The following ALCAM variants were observed in gnomAD, a reference collection of about 807,000 sequenced individuals.
The protein encoded by ALCAM is CD166 antigen.
ALCAM carries 30 observed loss-of-function variants against 70.9 expected under a neutral mutation model. The ratio of observed to expected loss-of-function variants is 0.42; its 90% CI spans 0.32 to 0.57. The LOEUF is 0.57. Among genes scored for constraint, ALCAM ranks in the 20% least tolerant of loss-of-function variants. The pLI is 0.11. For missense variants in ALCAM, 591 were observed against 695.1 expected (o/e 0.85, Z 1.68); for synonymous variants, 249 against 242.5 (o/e 1.03, Z -0.25).
At chr3:105,520,021 T>TTC in intron 1 of ALCAM, 46 bp from the exon 2 acceptor site, 1 of 1,290,750 alleles carries the variant, frequency 7.7e-7, no homozygotes, top group East Asian at 2.4e-5. Context: ...TAAAATTTTG[T>TTC]TCTCTCTCTC....
At chr3:105,534,920 C>A in intron 6 of ALCAM, 75 bp downstream of exon 6, 2 of 1,366,872 alleles carry the variant, frequency 1.5e-6, no homozygotes, top group South Asian at 1.5e-5. Context: ...TCTTTGAGGT[C>A]CCAATCCAAT....
chr3:105,535,746 G>T lies in ALCAM; in HGVS notation c.730+901G>T, dbSNP rs146474880. On this transcript the variant is annotated intron_variant, in intron 6 of 15. Coordinates refer to ENST00000306107, the MANE Select transcript of ALCAM (RefSeq NM_001627.4). ...ATATTTGGGGGGAAAATGCAATAAA[G>T]GATTTTCTTCTTATTATTAATTTAT... is the stretch of plus-strand genomic sequence containing the variant. 3.5e-3 allele frequency among the ~76,000 whole-genome samples: 530 copies of T among 152,020 alleles called. 4 individuals carry two copies. The highest frequency in any genetic ancestry group is 0.012 in the African/African-American group (497 of 41,500).
intron 1 of ALCAM, among the ~76,000 whole-genome samples, chr3:105,407,278 A>G (rs1259957484): frequency 6.6e-6 from 1 of 151,360 alleles, no homozygotes; most frequent in African/African-American, 2.4e-5. Context: ...AAAAAAAAAC[A>G]ACAGATCAGT....
rs1433807640 is a variant in ALCAM, at chr3:105,574,528, A to T, written c.*77A>T. 3 of 152,612 alleles carry T rather than the reference A, an allele frequency of 2.0e-5. No individual in the cohort carries two copies. Among genetic ancestry groups the T allele is most frequent in the Admixed American group, 2.0e-4 (3 of 15,276 alleles). The allele number at this position is 152,612 out of a possible 1,614,324, so 9.5% of individuals were successfully genotyped here. A position where few individuals can be genotyped will look rare whatever the true frequency, so the allele number is the denominator to read the frequency against. On this transcript the variant is annotated 3_prime_UTR_variant, in exon 16 of 16. Transcript: ENST00000306107. ...AGCATGAACGTGGATTGTATTTAAGACATAAACAAAGACATTGACAGCAAT... is the reference window on the plus strand; with the variant it reads ...AGCATGAACGTGGATTGTATTTAAGTCATAAACAAAGACATTGACAGCAAT...
chr3:105,555,581 G>T (rs1940496539), intron 14 of ALCAM, among the ~76,000 whole-genome samples: 1 of 151,946 alleles, frequency 6.6e-6, no homozygotes, highest in African/African-American at 2.4e-5. Flanking sequence ...GCAACATTTA[G>T]CTAAGTTCTT....
At chr3:105,498,463 C>T (rs1408101359) in intron 1 of ALCAM, among the ~76,000 whole-genome samples, 1 of 151,846 alleles carries the variant, frequency 6.6e-6, no homozygotes, top group African/African-American at 2.4e-5. Flanking sequence ...GTTTGGTATC[C>T]TTGACACCAC....
intron 1 of ALCAM, among the ~76,000 whole-genome samples, chr3:105,378,960 C>T (rs572739210): frequency 6.6e-6 from 1 of 152,028 alleles, no homozygotes; most frequent in South Asian, 2.1e-4. Context: ...ATTCTCCAGG[C>T]TTGATCTTCA....
intron 1 of ALCAM, among the ~76,000 whole-genome samples, chr3:105,411,858 T>C (rs1359852886): frequency 6.6e-6 from 1 of 152,056 alleles, no homozygotes; most frequent in Admixed American, 6.6e-5. Flanking sequence ...TAGGATCCCA[T>C]AACCTAGAAA....
At chr3:105,515,351 C>G (rs986580709) in intron 1 of ALCAM, among the ~76,000 whole-genome samples, 5 of 152,028 alleles carry the variant, frequency 3.3e-5, no homozygotes, top group Admixed American at 2.0e-4. Flanking sequence ...GTGTGGCAAA[C>G]AAATTTGATA....
chr3:105,557,920 A>G (rs1210867512), intron 14 of ALCAM, among the ~76,000 whole-genome samples: 1 of 152,144 alleles, frequency 6.6e-6, no homozygotes, highest in Non-Finnish European at 1.5e-5. Context: ...AAGTTGTAGT[A>G]ATAAGACCAA....
intron 4 of ALCAM, 81 bp from the exon 5 acceptor site, chr3:105,533,522 G>T: frequency 1.7e-6 from 2 of 1,174,620 alleles, no homozygotes; most frequent in Non-Finnish European, 1.3e-6. Context: ...GAATAACTCT[G>T]CATTGCCTGA....
intron 1 of ALCAM, among the ~76,000 whole-genome samples, chr3:105,513,981 A>C (rs973317294): frequency 1.2e-3 from 178 of 152,036 alleles, no homozygotes; most frequent in African/African-American, 4.0e-3. Flanking sequence ...CTTCTCATGC[A>C]CTGTGCTATT....
intron 1 of ALCAM, among the ~76,000 whole-genome samples, chr3:105,446,208 T>C (rs1052407680): frequency 3.9e-5 from 6 of 151,914 alleles, no homozygotes; most frequent in Admixed American, 3.9e-4. Context: ...CAAATGGCAA[T>C]GGGTATATGA....
At chr3:105,454,753 C>T (rs896537840) in intron 1 of ALCAM, among the ~76,000 whole-genome samples, 1 of 134,520 alleles carries the variant, frequency 7.4e-6, no homozygotes, top group South Asian at 2.5e-4. Flanking sequence ...ACTGCAACCT[C>T]TACCTTCCGG....
Position 105,534,740 on chromosome 3 carries a change from A to C in ALCAM, c.625A>C (p.Thr209Pro). 1.9e-6 allele frequency: 3 copies of C among 1,613,844 alleles called. 1 individual carries two copies. Among genetic ancestry groups the C allele is most frequent in the Non-Finnish European group, 2.5e-6 (3 of 1,179,810 alleles). The change falls in exon 6 of 16, where the codon ACA (threonine) becomes CCA (proline). Residue 209 changes from threonine (T) to proline (P), a missense_variant. By Grantham distance (38) the Thr-to-Pro change is conservative (BLOSUM62 -1). Coordinates refer to ENST00000306107, the MANE Select transcript of ALCAM (RefSeq NM_001627.4). ...CATGACTTCCACCCTGGAGTACAAG[A>C]CAACCAAGGCTGACATACAAATGCC... ...YTMTSTLEYK[T>P]TKADIQMPFT...
chr3:105,379,323 A>G (rs1488897181), intron 1 of ALCAM, among the ~76,000 whole-genome samples: 1 of 151,960 alleles, frequency 6.6e-6, no homozygotes, highest in Non-Finnish European at 1.5e-5. Flanking sequence ...TTCCATCTGA[A>G]TACATTTTGG....
At position 105,489,211 on chromosome 3, in the gene ALCAM, T is replaced by C. The variant is rs937897240; in HGVS notation, c.74-30856T>C. Among the ~76,000 whole-genome samples, 7 of 152,218 alleles carry C rather than the reference T, an allele frequency of 4.6e-5. 1 individual carries two copies. In the South Asian group the frequency reaches 1.2e-3, roughly 27 times the overall value. On this transcript the variant is annotated intron_variant, in intron 1 of 15. Coordinates refer to ENST00000306107, the MANE Select transcript of ALCAM (RefSeq NM_001627.4). ...CAAAATCAATGCATCTCAAATTTAA[T>C]GTGGATACAAATCATGTGCAAATAT...
At chr3:105,406,468 A>G (rs977757480) in intron 1 of ALCAM, among the ~76,000 whole-genome samples, 3 of 152,158 alleles carry the variant, frequency 2.0e-5, no homozygotes, top group Non-Finnish European at 4.4e-5. Flanking sequence ...CCACTCAGTC[A>G]ATACTGAAAC....
At chr3:105,452,869 T>G (rs1245876042) in intron 1 of ALCAM, among the ~76,000 whole-genome samples, 3 of 152,228 alleles carry the variant, frequency 2.0e-5, no homozygotes, top group Non-Finnish European at 4.4e-5. Flanking sequence ...CATAAATGTC[T>G]TCTTTTGAGA....
Sources: gnomAD v4.1 joint callset for allele counts (sites outside exome capture counted in the v4.1 genomes callset) on GRCh38, gnomAD v4.1.1 for gene constraint, MANE v1.5 for transcripts, NCBI Gene and HGNC (gene_info 2026-07-23, HGNC 2026-07-21) for gene names.